Variants in GRIA2 observed in about 807,000 individuals in gnomAD.
GRIA2 encodes glutamate ionotropic receptor AMPA type subunit 2.
A neutral mutation model predicts 97.3 loss-of-function variants in GRIA2; 14 were observed. The ratio of observed to expected loss-of-function variants is 0.14; its 90% CI spans 0.10 to 0.23. The LOEUF (loss-of-function observed/expected upper bound fraction) is 0.23, where lower values mean the gene tolerates loss of function less well. Among genes scored for constraint, GRIA2 ranks in the 10% least tolerant of loss-of-function variants. The pLI, the probability that GRIA2 is intolerant of heterozygous loss-of-function variation, is 1.00. For missense variants in GRIA2, 558 were observed against 1,069.8 expected, an observed-to-expected ratio of 0.52 and a Z score of 6.67; for synonymous variants, 412 against 387.8, an observed-to-expected ratio of 1.06 and a Z score of -0.73.
rs553048332 is a variant in GRIA2, at chr4:157,328,901, T to A, written c.883-3918T>A. 2.6e-5 allele frequency among the ~76,000 whole-genome samples: 4 copies of A among 152,156 alleles called. No individual in the cohort carries two copies. The South Asian group carries it at 8.3e-4, about 32-fold the overall frequency. On this transcript the variant is annotated intron_variant, in intron 6 of 15. Coordinates refer to ENST00000264426, the MANE Select transcript of GRIA2 (RefSeq NM_001083619.3). Reference sequence around the variant, plus strand: ...GATGTTAATTTAGGTTTCTTGCCAATGCAGCTCCCTTTTCACCCTTGGAAA... The same window carrying A: ...GATGTTAATTTAGGTTTCTTGCCAAAGCAGCTCCCTTTTCACCCTTGGAAA...
chr4:157,317,734 ATTATTTTACTAGATATGCT>A (rs1560763271), intron 5 of GRIA2, 23 bp downstream of exon 5: 4 of 943,330 alleles, frequency 4.2e-6, no homozygotes, highest in Non-Finnish European at 6.8e-6. Flanking sequence ...ATTGGTATAT[ATTATTTTACTAGATATGCT>A]TATTTATTAA....
intron 2 of GRIA2, among the ~76,000 whole-genome samples, chr4:157,265,119 T>C (rs762841575): frequency 9.9e-5 from 15 of 152,150 alleles, no homozygotes; most frequent in Admixed American, 2.0e-4. Flanking sequence ...TATCTTTTCA[T>C]TTATCTATTA....
intron 2 of GRIA2, among the ~76,000 whole-genome samples, chr4:157,264,205 T>G (rs1157762804): frequency 6.6e-6 from 1 of 152,136 alleles, no homozygotes. Context: ...CCGTGATTTA[T>G]AACAATACAA....
intron 2 of GRIA2, among the ~76,000 whole-genome samples, chr4:157,291,856 A>C (rs1353470260): frequency 1.3e-5 from 2 of 152,104 alleles, no homozygotes; most frequent in East Asian, 1.9e-4. Flanking sequence ...GGGTTCAGTA[A>C]GATCACTAGA....
At chr4:157,343,848 A>G (rs536368114) in intron 12 of GRIA2, among the ~76,000 whole-genome samples, 1 of 152,270 alleles carries the variant, frequency 6.6e-6, no homozygotes, top group Admixed American at 6.5e-5. Flanking sequence ...TTCAAGTTGA[A>G]TTAAATAAAA....
At position 157,345,758 on chromosome 4, in the gene GRIA2, G is replaced by T. The variant is rs79220470; in HGVS notation, c.2043+4296G>T. Among the ~76,000 whole-genome samples, 31 of 152,196 alleles carry T rather than the reference G, an allele frequency of 2.0e-4. No homozygotes were observed. The East Asian group carries it at 3.1e-3, about 15-fold the overall frequency. Reference sequence around the variant, plus strand: ...ACACTGCAATCTGTTCCTTCTGGTTGTCTCCTCTGGGAGGATGAAGGACAC... The same window carrying T: ...ACACTGCAATCTGTTCCTTCTGGTTTTCTCCTCTGGGAGGATGAAGGACAC... On this transcript the variant is annotated intron_variant, in intron 12 of 15. Transcript: ENST00000264426.
At chr4:157,346,775 G>T (rs1049712524) in intron 12 of GRIA2, among the ~76,000 whole-genome samples, 21 of 152,080 alleles carry the variant, frequency 1.4e-4, no homozygotes, top group Non-Finnish European at 3.1e-4. Flanking sequence ...TTTTTTGGGG[G>T]CTTGATTATA....
chr4:157,253,174 T>C (rs1731090106), intron 2 of GRIA2, among the ~76,000 whole-genome samples: 1 of 151,814 alleles, frequency 6.6e-6, no homozygotes, highest in Non-Finnish European at 1.5e-5. Context: ...TGAAGTGCAG[T>C]GGCATTATCT....
rs371683578 is a variant in GRIA2, at chr4:157,311,306, T to C, written c.470-1373T>C. On this transcript the variant is annotated intron_variant, in intron 3 of 15. Coordinates refer to ENST00000264426, the MANE Select transcript of GRIA2 (RefSeq NM_001083619.3). ...ATTTAAAACAGTTTATGTATTTAAG[T>C]ATTTCGCATTTATTATTCTAATTAA... 1.2e-4 allele frequency among the ~76,000 whole-genome samples: 19 copies of C among 152,080 alleles called. No homozygotes were observed. In the East Asian group the frequency reaches 1.3e-3, roughly 11 times the overall value.
intron 2 of GRIA2, among the ~76,000 whole-genome samples, chr4:157,290,958 T>C (rs537423973): frequency 5.3e-4 from 80 of 152,080 alleles, no homozygotes; most frequent in African/African-American, 1.9e-3. Context: ...GTGATTTATA[T>C]ACAGAAGTGC....
chr4:157,344,731 T>A (rs1735699315), intron 12 of GRIA2, among the ~76,000 whole-genome samples: 1 of 152,114 alleles, frequency 6.6e-6, no homozygotes, highest in Non-Finnish European at 1.5e-5. Flanking sequence ...CTGCTATCAC[T>A]GAGTTTATCA....
intron 6 of GRIA2, among the ~76,000 whole-genome samples, chr4:157,324,694 TC>T (rs770821717): frequency 2.4e-4 from 37 of 151,260 alleles, no homozygotes; most frequent in Admixed American, 4.6e-4. Flanking sequence ...AGGAGGGAGG[TC>T]ATGTTATGGA....
At chr4:157,297,911 A>G (rs1733423502) in intron 2 of GRIA2, among the ~76,000 whole-genome samples, 1 of 152,032 alleles carries the variant, frequency 6.6e-6, no homozygotes, top group Non-Finnish European at 1.5e-5. Context: ...AAATTAATAT[A>G]TATTTACAGT....
At chr4:157,244,608 A>G (rs922962122) in intron 2 of GRIA2, among the ~76,000 whole-genome samples, 1 of 152,056 alleles carries the variant, frequency 6.6e-6, no homozygotes, top group Non-Finnish European at 1.5e-5. Context: ...TTATTCTTAC[A>G]GGGATGTAAG....
chr4:157,223,113 C>T (rs756672973), intron 2 of GRIA2, among the ~76,000 whole-genome samples: 1 of 152,198 alleles, frequency 6.6e-6, no homozygotes, highest in Non-Finnish European at 1.5e-5. Flanking sequence ...CCACGTCACA[C>T]AAACAACTGG....
chr4:157,251,819 T>C (rs1277450181), intron 2 of GRIA2, among the ~76,000 whole-genome samples: 1 of 152,134 alleles, frequency 6.6e-6, no homozygotes, highest in Non-Finnish European at 1.5e-5. Flanking sequence ...TTGAGAGTAA[T>C]ACAATTAGTA....
intron 2 of GRIA2, among the ~76,000 whole-genome samples, chr4:157,277,945 C>A (rs914034389): frequency 7.3e-6 from 1 of 137,812 alleles, no homozygotes; most frequent in Non-Finnish European, 1.6e-5. Flanking sequence ...AGGAAAAGTA[C>A]AAAGCACTGA....
intron 2 of GRIA2, chr4:157,249,801 T>C (rs1730943828): frequency 6.6e-6 from 1 of 152,190 alleles, no homozygotes; most frequent in Admixed American, 6.6e-5. Context: ...TTTCCCATTG[T>C]CTTCATGTTA....
chr4:157,359,306 GA>G (rs1229000220), intron 12 of GRIA2, among the ~76,000 whole-genome samples: 1 of 151,922 alleles, frequency 6.6e-6, no homozygotes, highest in African/African-American at 2.4e-5. Flanking sequence ...AATATTCAAA[GA>G]AAAAAGTCCT....
Sources: gnomAD v4.1 joint callset for allele counts (sites outside exome capture counted in the v4.1 genomes callset) on GRCh38, gnomAD v4.1.1 for gene constraint, MANE v1.5 for transcripts, NCBI Gene and HGNC (gene_info 2026-07-23, HGNC 2026-07-21) for gene names.